AK4: variants seen among roughly 807,000 people sequenced by gnomAD.
The protein encoded by AK4 is adenylate kinase 4, also known as adenylate kinase 4, mitochondrial.
AK4 carries 13 observed loss-of-function variants against 24.6 expected under a neutral mutation model. The observed-to-expected ratio is 0.53, with a 90% CI of 0.34 to 0.84. The LOEUF (loss-of-function observed/expected upper bound fraction) is 0.84, where lower values mean the gene tolerates loss of function less well. Among genes scored for constraint, AK4 ranks in the 40% least tolerant of loss-of-function variants. AK4 has a pLI of 0.01. For missense variants in AK4, 192 were observed against 288.2 expected, an observed-to-expected ratio of 0.67 and a Z score of 2.42; for synonymous variants, 88 against 107.0, an observed-to-expected ratio of 0.82 and a Z score of 1.10.
At chr1:65,170,645 C>T (rs893688852) in intron 1 of AK4, among the ~76,000 whole-genome samples, 4 of 152,106 alleles carry the variant, frequency 2.6e-5, no homozygotes, top group Non-Finnish European at 4.4e-5. Context: ...TGTTAGTCGG[C>T]GCGAGATGTT....
intron 1 of AK4, among the ~76,000 whole-genome samples, chr1:65,183,969 G>A (rs191918389): frequency 6.6e-6 from 1 of 152,242 alleles, no homozygotes; most frequent in Admixed American, 6.5e-5. Flanking sequence ...ATGAATTTTG[G>A]AGAGATGACC....
At chr1:65,220,751 C>T (rs1432190341) in intron 3 of AK4, among the ~76,000 whole-genome samples, 1 of 152,284 alleles carries the variant, frequency 6.6e-6, no homozygotes, top group East Asian at 1.9e-4. Context: ...GCTGAGATGA[C>T]AGGTACGAGC....
intron 1 of AK4, among the ~76,000 whole-genome samples, chr1:65,158,812 T>C (rs1650060243): frequency 6.6e-6 from 1 of 152,062 alleles, no homozygotes; most frequent in African/African-American, 2.4e-5. Context: ...CGGCCCAAAC[T>C]AGATTTTTTT....
intron 1 of AK4, among the ~76,000 whole-genome samples, chr1:65,170,858 C>T (rs558806089): frequency 1.7e-4 from 26 of 152,238 alleles, no homozygotes; most frequent in Non-Finnish European, 3.5e-4. Flanking sequence ...AAGTGTTACG[C>T]AAGGCAAAGC....
chr1:65,220,233 A>G (rs1211467335), intron 3 of AK4, among the ~76,000 whole-genome samples: 4 of 152,220 alleles, frequency 2.6e-5, no homozygotes, highest in Non-Finnish European at 5.9e-5. Context: ...GTTTTCAACT[A>G]TTTTGGGTAA....
At chr1:65,218,693 C>A (rs896981629) in intron 2 of AK4, 61 bp from the exon 3 acceptor site, 14 of 1,467,652 alleles carry the variant, frequency 9.5e-6, no homozygotes, top group Non-Finnish European at 1.3e-5. Context: ...GAAAATGTTT[C>A]AAGAACTAAT....
intron 2 of AK4, among the ~76,000 whole-genome samples, chr1:65,214,093 T>C (rs1652050937): frequency 6.6e-6 from 1 of 151,846 alleles, no homozygotes; most frequent in East Asian, 1.9e-4. Context: ...GTGCCCTCAT[T>C]TTTGTTGTTG....
intron 1 of AK4, among the ~76,000 whole-genome samples, chr1:65,152,360 C>CTCTCTCTATA (rs1277948363): frequency 2.5e-4 from 7 of 27,948 alleles, no homozygotes; most frequent in South Asian, 3.2e-3. Context: ...CTCTCTCTCT[C>CTCTCTCTATA]TATATATATA....
At chr1:65,154,587 C>T in intron 1 of AK4, 2 of 514,612 alleles carry the variant, frequency 3.9e-6, no homozygotes, top group Non-Finnish European at 7.8e-6. Flanking sequence ...AATGTGGCCT[C>T]AATACGTGCT....
intron 1 of AK4, among the ~76,000 whole-genome samples, chr1:65,163,323 C>T (rs895400706): frequency 5.9e-5 from 9 of 152,170 alleles, no homozygotes; most frequent in Admixed American, 3.3e-4. Context: ...ATTCACGAAT[C>T]GGGCAGCCCT....
At chr1:65,188,915 T>G (rs549637128) in intron 1 of AK4, among the ~76,000 whole-genome samples, 1 of 151,730 alleles carries the variant, frequency 6.6e-6, no homozygotes, top group Non-Finnish European at 1.5e-5. Context: ...GCTGGGATTA[T>G]AGGTGCCCGC....
At chr1:65,213,481 C>T (rs1246928516) in intron 2 of AK4, among the ~76,000 whole-genome samples, 2 of 152,034 alleles carry the variant, frequency 1.3e-5, no homozygotes, top group Non-Finnish European at 2.9e-5. Context: ...TCCCCAAGCT[C>T]TTAGAAAAAA....
intron 1 of AK4, among the ~76,000 whole-genome samples, chr1:65,179,741 G>A (rs1477231357): frequency 2.6e-5 from 4 of 151,986 alleles, no homozygotes; most frequent in Non-Finnish European, 4.4e-5. Flanking sequence ...AGGCTGAGGC[G>A]GGAGAATCGC....
At chr1:65,200,915 C>T (rs889405399) in intron 2 of AK4, among the ~76,000 whole-genome samples, 23 of 152,172 alleles carry the variant, frequency 1.5e-4, no homozygotes, top group African/African-American at 5.5e-4. Flanking sequence ...CTGCCTCAGC[C>T]TCCCAAGTAG....
intron 2 of AK4, among the ~76,000 whole-genome samples, chr1:65,217,061 A>G (rs937588628): frequency 2.6e-5 from 4 of 152,176 alleles, no homozygotes; most frequent in African/African-American, 9.7e-5. Context: ...TGAGTTGTCC[A>G]GGGAAAGGCA....
At chr1:65,152,543 C>T (rs915578745) in intron 1 of AK4, among the ~76,000 whole-genome samples, 1 of 151,044 alleles carries the variant, frequency 6.6e-6, no homozygotes, top group Admixed American at 6.6e-5. Flanking sequence ...GCTGGGACTA[C>T]AGGCACACAC....
At chr1:65,204,375 A>G (rs1190161546) in intron 2 of AK4, among the ~76,000 whole-genome samples, 1 of 151,800 alleles carries the variant, frequency 6.6e-6, no homozygotes, top group Non-Finnish European at 1.5e-5. Flanking sequence ...AATTTTTTAC[A>G]TTTTTGATAG....
chr1:65,190,724 G>A lies in AK4; in HGVS notation c.160G>A (p.Ala54Thr). 6.2e-7 allele frequency: 1 copy of A among 1,609,856 alleles called. No individual in the cohort carries two copies. Among genetic ancestry groups the A allele is most frequent in the Non-Finnish European group, 8.5e-7 (1 of 1,178,624 alleles). Residue 54 changes from alanine (A) to threonine (T), a missense_variant, in exon 2 of 5, where the codon GCA (alanine) becomes ACA (threonine). Coordinates refer to ENST00000327299, the MANE Select transcript of AK4 (RefSeq NM_013410.4). Reference sequence around the variant, plus strand: ...CTTTTTAATAGAAGTTGGTGAGATGGCAAAGCAGTATATAGAGAAAAGTCT... The same window carrying A: ...CTTTTTAATAGAAGTTGGTGAGATGACAAAGCAGTATATAGAGAAAAGTCT... ...IKASTEVGEMAKQYIEKSLLV... is the reference protein window; with the variant it reads ...IKASTEVGEMTKQYIEKSLLV...
intron 2 of AK4, among the ~76,000 whole-genome samples, chr1:65,191,571 A>G (rs1394748280): frequency 6.6e-6 from 1 of 151,276 alleles, no homozygotes; most frequent in Non-Finnish European, 1.5e-5. Context: ...CAGAGGGACA[A>G]TGTGAACAGG....
Sources: allele counts gnomAD v4.1 joint callset (sites outside exome capture counted in the v4.1 genomes callset), GRCh38; gene constraint gnomAD v4.1.1; transcripts MANE v1.5; gene names NCBI Gene and HGNC (gene_info 2026-07-23, HGNC 2026-07-21).